RABGEF1: variants seen among roughly 807,000 people sequenced by gnomAD.
RABGEF1 encodes the protein rab5 GDP/GTP exchange factor.
RABGEF1 carries 26 observed loss-of-function variants against 57.3 expected under a neutral mutation model. The observed-to-expected ratio is 0.45, with a 90% CI of 0.33 to 0.63. The LOEUF is 0.63. RABGEF1 is among the 20% of genes least tolerant of loss of function. The pLI is 0.02. For missense variants in RABGEF1, 464 were observed against 607.6 expected (o/e 0.76, Z 2.48); for synonymous variants, 185 against 210.7 (o/e 0.88, Z 1.06).
rs752085622 is a variant in RABGEF1, at chr7:66,746,112, CAT to C, written c.-18+5321_-18+5322del. The stretch of plus-strand genomic sequence containing the variant: ...CTGGACTATTGTTACAATATGTAAA[CAT>C]GTGAAATAACAGTTATCCCACTTAA... On this transcript the variant is annotated intron_variant, in intron 1 of 8. Coordinates refer to ENST00000284957, the MANE Select transcript of RABGEF1 (RefSeq NM_014504.3). Among the ~76,000 whole-genome samples the C allele has an allele frequency of 1.4e-4, 22 of 152,238 alleles. No individual in the cohort carries two copies. The East Asian group carries it at 2.1e-3, about 15-fold the overall frequency.
At chr7:66,710,100 A>G (rs1794601804) in intron 1 of RABGEF1, among the ~76,000 whole-genome samples, 2 of 152,236 alleles carry the variant, frequency 1.3e-5, no homozygotes, top group African/African-American at 2.4e-5. Flanking sequence ...TCTACATTGC[A>G]CCACACAGTT....
intron 2 of RABGEF1, among the ~76,000 whole-genome samples, chr7:66,733,858 A>C (rs937482567): frequency 3.9e-5 from 6 of 152,280 alleles, no homozygotes; most frequent in African/African-American, 1.4e-4. Flanking sequence ...TAAAAAAATT[A>C]GCCAGGTGTG....
chr7:66,787,336 A>AT (rs973607816), intron 4 of RABGEF1, among the ~76,000 whole-genome samples: 11,910 of 88,110 alleles, frequency 0.14, 1,299 homozygotes, highest in Non-Finnish European at 0.2. Flanking sequence ...GCCTGGCCTG[A>AT]TTTTTTTTTT....
At chr7:66,763,563 G>GAAGT (rs1398731774) in intron 1 of RABGEF1, among the ~76,000 whole-genome samples, 2 of 152,122 alleles carry the variant, frequency 1.3e-5, no homozygotes, top group African/African-American at 4.8e-5. Flanking sequence ...TCTCCCTTTT[G>GAAGT]AAGTGCACAC....
At chr7:66,805,462 AGGTC>A in intron 8 of RABGEF1, 66 bp downstream of exon 8, 2 of 1,590,568 alleles carry the variant, frequency 1.3e-6, no homozygotes, top group Non-Finnish European at 1.7e-6. Flanking sequence ...GGGATGTGAC[AGGTC>A]ACTTAGGCCC....
intron 3 of RABGEF1, among the ~76,000 whole-genome samples, chr7:66,782,096 A>G (rs1427020190): frequency 6.6e-6 from 1 of 152,248 alleles, no homozygotes. Context: ...TTCAAACACT[A>G]AAGAATTTTT....
intron 3 of RABGEF1, among the ~76,000 whole-genome samples, chr7:66,781,604 G>A: frequency 6.6e-6 from 1 of 152,066 alleles, no homozygotes; most frequent in South Asian, 2.1e-4. Context: ...TTGTGCTGTG[G>A]TTCTACACGT....
intron 1 of RABGEF1, among the ~76,000 whole-genome samples, chr7:66,683,256 A>G (rs747982026): frequency 6.6e-6 from 1 of 152,108 alleles, no homozygotes; most frequent in Non-Finnish European, 1.5e-5. Flanking sequence ...GGGATTAGAG[A>G]CGTGAGCCAT....
At chr7:66,715,539 T>C (rs10270326) in intron 2 of RABGEF1, among the ~76,000 whole-genome samples, 13,771 of 152,300 alleles carry the variant, frequency 0.09, 762 homozygotes, top group Non-Finnish European at 0.11. Context: ...TAAAATATTT[T>C]CTACTTCCCT....
chr7:66,772,548 GA>G (rs1296313402), intron 2 of RABGEF1, among the ~76,000 whole-genome samples: 1 of 152,110 alleles, frequency 6.6e-6, no homozygotes, highest in African/African-American at 2.4e-5. Context: ...TTGCATTGTA[GA>G]AATTTAACTT....
chr7:66,741,766 A>G (rs1289011946), intron 1 of RABGEF1, among the ~76,000 whole-genome samples: 1 of 152,112 alleles, frequency 6.6e-6, no homozygotes, highest in Non-Finnish European at 1.5e-5. Context: ...TCCTGGCCTT[A>G]AGTGATCCTC....
intron 1 of RABGEF1, among the ~76,000 whole-genome samples, chr7:66,686,041 A>G (rs566296863): frequency 2.6e-5 from 4 of 152,226 alleles, no homozygotes; most frequent in East Asian, 1.9e-4. Context: ...CACTTTGGGA[A>G]GCTGAGGTGG....
chr7:66,797,776 A>G (rs1364214643), intron 6 of RABGEF1, among the ~76,000 whole-genome samples: 1 of 152,212 alleles, frequency 6.6e-6, no homozygotes, highest in South Asian at 2.1e-4. Context: ...GAATAGGGGG[A>G]CTGTGTTCTT....
intron 1 of RABGEF1, chr7:66,755,853 T>C: frequency 4.1e-6 from 2 of 482,094 alleles, no homozygotes. Flanking sequence ...CAATCAACTC[T>C]ACATTGTATT....
Position 66,809,162 on chromosome 7 carries a change from A to G in RABGEF1, c.1354A>G (p.Ile452Val), listed in dbSNP as rs781308053. The stretch of plus-strand genomic sequence containing the variant: ...TGGAATTGCAAGAGAAGTTCAAGAC[A>G]TCGTTGAGAAATACCCACTGGAAAT... ...TDGIAREVQD[I>V]VEKYPLEIKP... The change falls in exon 9 of 9, where the codon ATC (isoleucine) becomes GTC (valine). Residue 452 changes from isoleucine (I) to valine (V), a missense_variant. Around this residue, in one of 4 missense-constraint regions of RABGEF1, gnomAD observed 151 missense variants for 152.2 expected, o/e 0.99. Transcript: ENST00000284957. The G allele has an allele frequency of 1.2e-6, 2 of 1,614,262 alleles. No homozygotes were observed. Among genetic ancestry groups the G allele is most frequent in the Non-Finnish European group, 1.7e-6 (2 of 1,180,050 alleles).
chr7:66,700,932 C>T (rs1165958767), intron 1 of RABGEF1, among the ~76,000 whole-genome samples: 4 of 152,204 alleles, frequency 2.6e-5, no homozygotes, highest in Non-Finnish European at 5.9e-5. Flanking sequence ...TGGGTTTGCT[C>T]TGGGGTGGCA....
In RABGEF1 at chr7:66,697,471, C is replaced by G. The variant is rs190028795; in HGVS notation, c.-872-14696C>G. On this transcript the variant is annotated intron_variant and NMD_transcript_variant, in intron 1 of 9. Coordinates refer to the RABGEF1 transcript ENST00000607882. ...CTCCCTTCACAGTGGCTCTGTCTGC[C>G]CATCCCAGCCGCCAGCTCCCCTCCC... 4.7e-3 allele frequency among the ~76,000 whole-genome samples: 713 copies of G among 152,278 alleles called. 6 individuals carry two copies. Among genetic ancestry groups the G allele is most frequent in the Admixed American group, 0.019 (290 of 15,288 alleles).
At chr7:66,689,294 A>G (rs1015153898) in intron 1 of RABGEF1, among the ~76,000 whole-genome samples, 17 of 152,036 alleles carry the variant, frequency 1.1e-4, no homozygotes, top group African/African-American at 4.1e-4. Flanking sequence ...AAAATCGACA[A>G]GTTTTTAGCT....
chr7:66,699,033 G>T (rs1792794820), intron 1 of RABGEF1, among the ~76,000 whole-genome samples: 2 of 152,334 alleles, frequency 1.3e-5, no homozygotes, highest in South Asian at 4.1e-4. Context: ...CCTCTGGGAA[G>T]TCACTGAGAC....
Sources: gnomAD v4.1 joint callset for allele counts (sites outside exome capture counted in the v4.1 genomes callset) on GRCh38, gnomAD v4.1.1 for gene constraint, gnomAD v4.1.1 regional missense constraint, MANE v1.5 for transcripts, NCBI Gene and HGNC (gene_info 2026-07-23, HGNC 2026-07-21) for gene names.